The following SLC66A3 variants were observed in gnomAD, a reference collection of about 807,000 sequenced individuals.
The protein encoded by SLC66A3 is solute carrier family 66 member 3.
SLC66A3 carries 23 observed loss-of-function variants against 25.5 expected under a neutral mutation model. The observed-to-expected ratio is 0.90, with a 90% CI of 0.65 to 1.28. The LOEUF (loss-of-function observed/expected upper bound fraction) is 1.28, where lower values mean the gene tolerates loss of function less well. Ranked by LOEUF, SLC66A3 falls within the 50% of genes most tolerant of loss-of-function variation. SLC66A3 has a pLI of 0.00. For missense variants in SLC66A3, 246 were observed against 262.1 expected (o/e 0.94, Z 0.42); for synonymous variants, 108 against 112.6 (o/e 0.96, Z 0.26).
At chr2:11,170,592 CT>C (rs35403631) in intron 4 of SLC66A3, among the ~76,000 whole-genome samples, 159 of 144,446 alleles carry the variant, frequency 1.1e-3, no homozygotes, top group Middle Eastern at 3.5e-3. Context: ...TATCTCAGTA[CT>C]TTTTTTTTTT....
At chr2:11,174,744 G>A (rs1250761531) in intron 5 of SLC66A3, among the ~76,000 whole-genome samples, 6 of 152,034 alleles carry the variant, frequency 3.9e-5, no homozygotes, top group African/African-American at 7.3e-5. Context: ...CAGGTGATCC[G>A]GCATGGCTAG....
At chr2:11,166,009 AGAGAGG>A (rs947815320) in intron 4 of SLC66A3, among the ~76,000 whole-genome samples, 149 of 152,256 alleles carry the variant, frequency 9.8e-4, no homozygotes, top group African/African-American at 3.4e-3. Context: ...GACCGTGGAA[AGAGAGG>A]GAGAGGGAGA....
In SLC66A3 at chr2:11,160,710, C is replaced by A. The variant is rs775426426; in HGVS notation, c.296+16C>A. ...ACATCGCTGTGTATCCTTTCTGAATCTGAGCCAGAAGTGGGAACGGGGATG... is the reference window on the plus strand; with the variant it reads ...ACATCGCTGTGTATCCTTTCTGAATATGAGCCAGAAGTGGGAACGGGGATG... On this transcript the variant is annotated intron_variant, in intron 3 of 6. Coordinates refer to ENST00000295083, the MANE Select transcript of SLC66A3 (RefSeq NM_152391.5). The A allele has an allele frequency of 1.9e-6, 3 of 1,613,020 alleles. No homozygotes were observed. In the Admixed American group the frequency reaches 5.0e-5, roughly 27 times the overall value.
Position 11,158,869 on chromosome 2 carries a change from C to G in SLC66A3, c.144-1597C>G, listed in dbSNP as rs551857617. Among the ~76,000 whole-genome samples the G allele has an allele frequency of 3.9e-5, 6 of 152,314 alleles. No homozygotes were observed. In the South Asian group the frequency reaches 1.2e-3, roughly 32 times the overall value. On this transcript the variant is annotated intron_variant, in intron 1 of 6. Coordinates refer to ENST00000295083, the MANE Select transcript of SLC66A3 (RefSeq NM_152391.5). ...AAGGAAAGACACTGTCCCCACCCCA[C>G]CTCCCCAGGCTGCAGGGATGGGGGG...
At chr2:11,174,417 G>C (rs1238713754) in intron 5 of SLC66A3, among the ~76,000 whole-genome samples, 1 of 152,212 alleles carries the variant, frequency 6.6e-6, no homozygotes, top group African/African-American at 2.4e-5. Context: ...CAGCGCTCGA[G>C]TACCTTCTAG....
chr2:11,166,617 G>A (rs540084448), intron 4 of SLC66A3, among the ~76,000 whole-genome samples: 3 of 152,308 alleles, frequency 2.0e-5, no homozygotes, highest in African/African-American at 7.2e-5. Context: ...GGGTCGAGGT[G>A]GGGTGGCTCA....
rs576719167 is a variant in SLC66A3, at chr2:11,166,152, G to A, written c.354+1891G>A. On this transcript the variant is annotated intron_variant, in intron 4 of 6. Transcript: ENST00000295083. ...GCCTCCCAAAGTGCTGGGATTACAG[G>A]TGTGAGCCACGGCAGCTGGCCACTA... 6.6e-5 allele frequency among the ~76,000 whole-genome samples: 10 copies of A among 152,320 alleles called. 1 individual carries two copies. In the East Asian group the frequency reaches 1.9e-3, roughly 29 times the overall value.
chr2:11,172,103 TA>T (rs1365245236), intron 5 of SLC66A3, 58 bp downstream of exon 5: 6 of 1,565,492 alleles, frequency 3.8e-6, no homozygotes, highest in Non-Finnish European at 5.2e-6. Context: ...GTCTACGTAG[TA>T]GGGTGTTAAG....
chr2:11,161,069 G>A (rs780068554), intron 3 of SLC66A3, among the ~76,000 whole-genome samples: 1 of 152,152 alleles, frequency 6.6e-6, no homozygotes, highest in East Asian at 1.9e-4. Flanking sequence ...CTCTCAAGAC[G>A]TTAGCTTAGA....
At chr2:11,159,414 GT>G (rs1662033198) in intron 1 of SLC66A3, among the ~76,000 whole-genome samples, 1 of 152,200 alleles carries the variant, frequency 6.6e-6, no homozygotes, top group Admixed American at 6.5e-5. Context: ...GCAGCTGGGG[GT>G]GGGGACCCTG....
chr2:11,174,057 C>A (rs573819417), intron 5 of SLC66A3, among the ~76,000 whole-genome samples: 7 of 152,088 alleles, frequency 4.6e-5, no homozygotes, highest in African/African-American at 1.7e-4. Context: ...CGGTTTCAAG[C>A]GATTCTCCTG....
Position 11,178,832 on chromosome 2 carries a change from GC to G in SLC66A3, c.*1005del, listed in dbSNP as rs1662863970. On this transcript the variant is annotated 3_prime_UTR_variant, in exon 7 of 7. Coordinates refer to ENST00000295083, the MANE Select transcript of SLC66A3 (RefSeq NM_152391.5). The stretch of plus-strand genomic sequence containing the variant: ...TTTACCAGAGATTATTGTTTCCTAT[GC>G]AAAATAAATTTTCATATTTTGAATT... The G allele has an allele frequency of 6.6e-6, 1 of 152,098 alleles. No homozygotes were observed. The highest frequency in any genetic ancestry group is 6.5e-5 in the Admixed American group (1 of 15,268). The allele number at this position is 152,098 out of a possible 1,614,324, so 9.4% of individuals were successfully genotyped here.
intron 4 of SLC66A3, 84 bp downstream of exon 4, chr2:11,164,345 A>ATATATATATATATT: frequency 2.3e-4 from 21 of 92,598 alleles, no homozygotes; most frequent in East Asian, 5.5e-4. Context: ...ATATATATAT[A>ATATATATATATATT]TTTTTTTTTT....
At chr2:11,160,994 A>T (rs746118245) in intron 3 of SLC66A3, among the ~76,000 whole-genome samples, 8 of 152,056 alleles carry the variant, frequency 5.3e-5, no homozygotes, top group Non-Finnish European at 1.0e-4. Flanking sequence ...CATGTGAGAC[A>T]TTTCTTCCTG....
chr2:11,178,816 GATT>G lies in SLC66A3; in HGVS notation c.*992_*994del, dbSNP rs752161818. 2.0e-4 allele frequency: 30 copies of G among 152,214 alleles called. 1 individual carries two copies. Among genetic ancestry groups the G allele is most frequent in the South Asian group, 1.7e-3 (8 of 4,820 alleles). The allele number at this position is 152,214 out of a possible 1,614,324, so 9.4% of individuals were successfully genotyped here. On this transcript the variant is annotated 3_prime_UTR_variant, in exon 7 of 7. Transcript: ENST00000295083. ...AGATGCAGTAATGATGTTTACCAGA[GATT>G]ATTGTTTCCTATGCAAAATAAATTT...
chr2:11,165,552 G>A (rs556427250), intron 4 of SLC66A3, among the ~76,000 whole-genome samples: 2 of 151,972 alleles, frequency 1.3e-5, no homozygotes, highest in African/African-American at 4.8e-5. Flanking sequence ...GGGCAGAGGG[G>A]CTCCTCACAT....
intron 6 of SLC66A3, among the ~76,000 whole-genome samples, chr2:11,176,915 T>G (rs1427571688): frequency 1.3e-5 from 2 of 152,180 alleles, no homozygotes; most frequent in Non-Finnish European, 2.9e-5. Flanking sequence ...TAAACCTATT[T>G]ATCAGGAGTG....
chr2:11,173,511 T>G (rs1662628000), intron 5 of SLC66A3, among the ~76,000 whole-genome samples: 1 of 152,258 alleles, frequency 6.6e-6, no homozygotes, highest in African/African-American at 2.4e-5. Context: ...GATGATTTAA[T>G]CAACAACTAT....
intron 6 of SLC66A3, among the ~76,000 whole-genome samples, chr2:11,175,380 G>A (rs1314111307): frequency 6.6e-6 from 1 of 152,222 alleles, no homozygotes; most frequent in East Asian, 1.9e-4. Flanking sequence ...GAGTTGGGCA[G>A]ATTAATTTGA....
Sources: gnomAD v4.1 joint callset for allele counts (sites outside exome capture counted in the v4.1 genomes callset) on GRCh38, gnomAD v4.1.1 for gene constraint, MANE v1.5 for transcripts, NCBI Gene and HGNC (gene_info 2026-07-23, HGNC 2026-07-21) for gene names.